The following TULP4 variants were observed in gnomAD, a reference collection of about 807,000 sequenced individuals.
TULP4 encodes the protein TUB like protein 4, also known as tubby-related protein 4.
In TULP4, 16 loss-of-function variants were observed where a neutral mutation model predicts 129.0. The observed-to-expected ratio is 0.12, with a 90% CI of 0.08 to 0.19. The LOEUF is 0.19. Among genes scored for constraint, TULP4 ranks in the 10% least tolerant of loss-of-function variants. TULP4 has a pLI of 1.00. For missense variants in TULP4, 1,842 were observed against 2,059.1 expected (o/e 0.89, Z 2.04); for synonymous variants, 998 against 854.0 (o/e 1.17, Z -2.94).
At chr6:158,333,214 A>T (rs1212942775) in intron 1 of TULP4, among the ~76,000 whole-genome samples, 1 of 152,196 alleles carries the variant, frequency 6.6e-6, no homozygotes, top group African/African-American at 2.4e-5. Context: ...CTAACCTCCA[A>T]TGTGATGATG....
intron 1 of TULP4, among the ~76,000 whole-genome samples, chr6:158,352,997 T>C (rs1306843423): frequency 6.6e-6 from 1 of 152,234 alleles, no homozygotes; most frequent in Non-Finnish European, 1.5e-5. Flanking sequence ...AATTTTACAA[T>C]CATTTTTTAT....
intron 1 of TULP4, among the ~76,000 whole-genome samples, chr6:158,379,010 T>C (rs1777265301): frequency 6.6e-6 from 1 of 152,108 alleles, no homozygotes; most frequent in Non-Finnish European, 1.5e-5. Flanking sequence ...CTAAGTTTTG[T>C]GTGGGAAGCA....
intron 8 of TULP4, among the ~76,000 whole-genome samples, chr6:158,488,034 G>A (rs1276532115): frequency 6.6e-6 from 1 of 152,198 alleles, no homozygotes; most frequent in South Asian, 2.1e-4. Flanking sequence ...GGGAGGCTGA[G>A]GCAGGAGGAT....
chr6:158,479,885 C>T lies in TULP4; in HGVS notation c.1161C>T (p.Ser387=). The change falls in exon 7 of 14, where the codon AGC becomes AGT. Residue 387 remains serine (S), a synonymous_variant. Coordinates refer to ENST00000367097, the MANE Select transcript of TULP4 (RefSeq NM_020245.5). The stretch of plus-strand genomic sequence containing the variant: ...TGCTGTGCCAGCAGGCCATCGCCAG[C>T]ACCTTGCGTGAGGACAAGGACGTCA... ...LQLLCQQAIA[S]TLREDKDVSK... The T allele has an allele frequency of 6.2e-7, 1 of 1,613,498 alleles. No homozygotes were observed. Among genetic ancestry groups the T allele is most frequent in the Non-Finnish European group, 8.5e-7 (1 of 1,180,036 alleles).
intron 1 of TULP4, among the ~76,000 whole-genome samples, chr6:158,297,307 T>C (rs914131297): frequency 2.6e-5 from 4 of 152,156 alleles, no homozygotes; most frequent in African/African-American, 9.7e-5. Flanking sequence ...TCAGACCTTA[T>C]GGTTGTCTTG....
chr6:158,238,537 C>T (rs1777770966), intron 1 of TULP4: 1 of 262,410 alleles, frequency 3.8e-6, no homozygotes, highest in Admixed American at 5.6e-5. Context: ...AACAAGTGAA[C>T]AAAGGTCTCT....
At chr6:158,478,364 G>A (rs1779867570) in intron 6 of TULP4, among the ~76,000 whole-genome samples, 1 of 152,216 alleles carries the variant, frequency 6.6e-6, no homozygotes, top group African/African-American at 2.4e-5. Context: ...GCATGATTTT[G>A]TTACTAATAG....
At chr6:158,250,668 T>C (rs1321242570) in intron 1 of TULP4, among the ~76,000 whole-genome samples, 1 of 152,214 alleles carries the variant, frequency 6.6e-6, no homozygotes, top group Admixed American at 6.5e-5. Context: ...GTTTCGCAAA[T>C]ACCTCTTGTC....
chr6:158,256,553 G>A (rs1278677937), intron 1 of TULP4, among the ~76,000 whole-genome samples: 1 of 152,170 alleles, frequency 6.6e-6, no homozygotes, highest in Non-Finnish European at 1.5e-5. Context: ...TGTTGAGGAT[G>A]TATTAATATG....
chr6:158,260,931 C>T (rs949825790), intron 1 of TULP4, among the ~76,000 whole-genome samples: 2 of 151,886 alleles, frequency 1.3e-5, no homozygotes, highest in African/African-American at 4.8e-5. Flanking sequence ...AGTGATTCTC[C>T]TGCCTCAGCC....
Position 158,501,841 on chromosome 6 carries a change from C to G in TULP4, c.2178C>G (p.Asn726Lys). Reference protein sequence around the residue: ...NQNVQLDVLTNQTTAVGTAEH... With the variant: ...NQNVQLDVLTKQTTAVGTAEH... ...ATGTGCAGCTAGATGTCCTGACCAA[C>G]CAGACGACAGCTGTAGGGACAGCAG... Residue 726 changes from asparagine (N) to lysine (K), a missense_variant, in exon 13 of 14, where the codon AAC becomes AAG. By Grantham distance (94) the Asn-to-Lys change is moderately conservative. This residue lies in a region of TULP4 where 1,089 missense variants were observed against 987.1 expected (regional missense o/e 1.10). Transcript: ENST00000367097. 1 of 1,614,154 alleles carries G rather than the reference C, an allele frequency of 6.2e-7. No homozygotes were observed. The highest frequency in any genetic ancestry group is 1.3e-5 in the African/African-American group (1 of 75,022).
At chr6:158,316,244 A>G (rs1376738155) in intron 1 of TULP4, among the ~76,000 whole-genome samples, 3 of 89,272 alleles carry the variant, frequency 3.4e-5, no homozygotes, top group Non-Finnish European at 7.2e-5. Context: ...TAATGCTGCT[A>G]TGAACGTTTG....
chr6:158,425,977 C>T (rs1001791410), intron 2 of TULP4, among the ~76,000 whole-genome samples: 3 of 152,176 alleles, frequency 2.0e-5, no homozygotes, highest in Non-Finnish European at 4.4e-5. Flanking sequence ...TTTCTCTAAT[C>T]AGTGAAGTTG....
At chr6:158,260,101 C>CAT (rs1168572895) in intron 1 of TULP4, among the ~76,000 whole-genome samples, 1 of 152,180 alleles carries the variant, frequency 6.6e-6, no homozygotes, top group Non-Finnish European at 1.5e-5. Flanking sequence ...GCCCTCTAAT[C>CAT]ATATGCTTGG....
chr6:158,269,584 A>T (rs1048655493), intron 1 of TULP4, among the ~76,000 whole-genome samples: 4 of 152,068 alleles, frequency 2.6e-5, no homozygotes, highest in African/African-American at 9.7e-5. Context: ...TTTCTCCGTG[A>T]TTCTTCATCC....
intron 3 of TULP4, among the ~76,000 whole-genome samples, chr6:158,447,853 T>G: frequency 6.6e-6 from 1 of 152,224 alleles, no homozygotes; most frequent in Non-Finnish European, 1.5e-5. Flanking sequence ...TGGAGATAAC[T>G]TGCATGATTG....
rs746726576 is a variant in TULP4 at position 158,503,128 on chromosome 6, G to C, written c.3465G>C (p.Leu1155=). 2 of 1,613,926 alleles carry C rather than the reference G, an allele frequency of 1.2e-6. No individual in the cohort carries two copies. The highest frequency in any genetic ancestry group is 1.1e-5 in the South Asian group (1 of 91,066). The change falls in exon 13 of 14, where the codon CTG becomes CTC. Residue 1155 remains leucine (L), a synonymous_variant. Coordinates refer to ENST00000367097, the MANE Select transcript of TULP4 (RefSeq NM_020245.5). This position sits in a 1 kb window ranked among gnomAD's most constrained non-coding sequence, Gnocchi z 4.3. The stretch of plus-strand genomic sequence containing the variant: ...CCTTAAAACTGTCCTCTCTGATGCT[G>C]AGTCAGGGCCAGCACCTGGACGTGT... ...PNPLKLSSLM[L]SQGQHLDVSR...
At chr6:158,484,433 G>A (rs549632321) in intron 8 of TULP4, among the ~76,000 whole-genome samples, 85 of 152,102 alleles carry the variant, frequency 5.6e-4, no homozygotes, top group African/African-American at 2.0e-3. Context: ...TTACAGACAT[G>A]CTATTGCACC....
intron 2 of TULP4, among the ~76,000 whole-genome samples, chr6:158,425,513 C>CAAAA (rs35469800): frequency 1.6e-5 from 1 of 61,882 alleles, no homozygotes; most frequent in Non-Finnish European, 2.7e-5. Context: ...AACTCCGTCT[C>CAAAA]AAAAAAAAAA....
Sources: allele counts gnomAD v4.1 joint callset (sites outside exome capture counted in the v4.1 genomes callset), GRCh38; gene constraint gnomAD v4.1.1; regional missense constraint gnomAD v4.1.1; non-coding constraint Gnocchi (gnomAD v3.1); transcripts MANE v1.5; gene names NCBI Gene and HGNC (gene_info 2026-07-23, HGNC 2026-07-21).